Variants in HDC observed in about 807,000 individuals in gnomAD.
HDC encodes the protein histidine decarboxylase.
In HDC, 27 loss-of-function variants were observed where a neutral mutation model predicts 64.4. That is an observed-to-expected ratio of 0.42 (90% confidence interval 0.31 to 0.58). The LOEUF is 0.58. Among genes scored for constraint, HDC ranks in the 20% least tolerant of loss-of-function variants. HDC has a pLI of 0.16. For missense variants in HDC, 711 were observed against 833.9 expected (o/e 0.85, Z 1.81); for synonymous variants, 305 against 314.2 (o/e 0.97, Z 0.31).
chr15:50,265,519 T>A, intron 1 of HDC, 74 bp downstream of exon 1: 1 of 1,387,858 alleles, frequency 7.2e-7, no homozygotes, highest in Non-Finnish European at 1.0e-6. Context: ...CCCCAGAATC[T>A]AAGGGCCACC....
Position 50,251,842 on chromosome 15 carries a change from AAAG to A in HDC, c.1041+585_1041+587del, listed in dbSNP as rs1012541635. On this transcript the variant is annotated intron_variant, in intron 9 of 11. Transcript: ENST00000267845. ...GCGAGACTCTGTCTCAGAAAAAAAAAAAGAAAGAAAGAAAGAAAGAAAACAAAA... is the reference window on the plus strand; with the variant it reads ...GCGAGACTCTGTCTCAGAAAAAAAAAAAAGAAAGAAAGAAAGAAAACAAAA... Among the ~76,000 whole-genome samples the A allele has an allele frequency of 4.9e-3, 728 of 147,466 alleles. 3 individuals are homozygous for A. Among genetic ancestry groups the A allele is most frequent in the African/African-American group, 0.018 (658 of 37,528 alleles).
In HDC at chr15:50,242,404, A is replaced by G; in HGVS notation, c.1845T>C (p.Phe615=). The stretch of plus-strand genomic sequence containing the variant: ...TCATCATGTCTTCTGGAAACCTGGA[A>G]AAGATTCTGACCCTGGAGGAGCCCC... ...KNGGSSRVRI[F]SRFPEDMMML... is the part of the protein sequence containing the mutation. Residue 615 remains phenylalanine (F), a synonymous_variant, in exon 12 of 12, where the codon TTT becomes TTC. Coordinates refer to ENST00000267845, the MANE Select transcript of HDC (RefSeq NM_002112.4). 6.2e-7 allele frequency: 1 copy of G among 1,614,150 alleles called. No individual in the cohort carries two copies. Among genetic ancestry groups the G allele is most frequent in the Non-Finnish European group, 8.5e-7 (1 of 1,180,014 alleles).
chr15:50,264,006 T>C (rs537670473), intron 1 of HDC, among the ~76,000 whole-genome samples: 1 of 152,310 alleles, frequency 6.6e-6, no homozygotes, highest in South Asian at 2.1e-4. Context: ...ATTTTGATTG[T>C]CTCTCCTACC....
rs1236712077 is a variant in HDC at position 50,265,642 on chromosome 15, C to G, written c.-19G>C. On this transcript the variant is annotated 5_prime_UTR_variant, in exon 1 of 12. Transcript: ENST00000267845. ...CCATCATCTCCCTTGGGCTCTGGCTCCTTCTCACAGATGGACACGCAGGAG... is the reference window on the plus strand; with the variant it reads ...CCATCATCTCCCTTGGGCTCTGGCTGCTTCTCACAGATGGACACGCAGGAG... The G allele has an allele frequency of 6.2e-7, 1 of 1,613,616 alleles. No individual in the cohort carries two copies. Among genetic ancestry groups the G allele is most frequent in the South Asian group, 1.1e-5 (1 of 91,068 alleles).
At chr15:50,258,552 A>T in intron 2 of HDC, 35 bp from the exon 3 acceptor site, 2 of 1,264,180 alleles carry the variant, frequency 1.6e-6, no homozygotes, top group Non-Finnish European at 2.3e-6. Flanking sequence ...TGGCACCAGG[A>T]GGCATTTCCA....
Position 50,254,606 on chromosome 15 carries a change from A to G in HDC, c.500T>C (p.Leu167Pro), listed in dbSNP as rs1255568371. ...ALLAARKNKI[L>P]EMKTSEPDAD... ...ATCGGGCTCAGACGTTTTCATTTCCAGGATTTTGTTCTTCCTTGCTGCCAG... is the reference window on the plus strand; with the variant it reads ...ATCGGGCTCAGACGTTTTCATTTCCGGGATTTTGTTCTTCCTTGCTGCCAG... The change falls in exon 5 of 12, where the codon CTG becomes CCG. Residue 167 changes from leucine (L) to proline (P), a missense_variant. Transcript: ENST00000267845. 6.2e-7 allele frequency: 1 copy of G among 1,614,216 alleles called. No individual in the cohort carries two copies. Among genetic ancestry groups the G allele is most frequent in the East Asian group, 2.2e-5 (1 of 44,886 alleles).
At chr15:50,253,844 C>T (rs2045590637) in intron 6 of HDC, 178 bp from the exon 7 acceptor site, 2 of 674,108 alleles carry the variant, frequency 3.0e-6, no homozygotes, top group Admixed American at 2.3e-5. Flanking sequence ...CAATCTAGTA[C>T]ATGTATACGT....
At chr15:50,247,241 C>G (rs987303481) in intron 10 of HDC, among the ~76,000 whole-genome samples, 3 of 152,164 alleles carry the variant, frequency 2.0e-5, no homozygotes, top group East Asian at 3.8e-4. Context: ...AAGAATGGAA[C>G]TAGAATGTTT....
At position 50,254,664 on chromosome 15, in the gene HDC, T is replaced by C; in HGVS notation, c.442A>G (p.Ser148Gly). ...ATCAAAGTGGATTCACTGACCGTGC[T>C]CTGCAGGGGAAAAGGATTATCATGG... Reference protein sequence around the residue: ...PSSQGGGVLQSTVSESTLIAL... With the variant: ...PSSQGGGVLQGTVSESTLIAL... Residue 148 changes from serine (S) to glycine (G), a missense_variant and splice_region_variant, in exon 5 of 12, where the codon AGC (serine) becomes GGC (glycine). Ser to Gly is a moderately conservative substitution (Grantham distance 56). This residue lies in a region of HDC where 225 missense variants were observed against 276.2 expected (regional missense o/e 0.81). Transcript: ENST00000267845. The C allele has an allele frequency of 6.2e-7, 1 of 1,614,100 alleles. No homozygotes were observed. The highest frequency in any genetic ancestry group is 8.5e-7 in the Non-Finnish European group (1 of 1,180,000).
rs377311498 is a variant in HDC at position 50,252,624 on chromosome 15, C to G, written c.938G>C (p.Cys313Ser). 1 of 1,614,138 alleles carries G rather than the reference C, an allele frequency of 6.2e-7. No homozygotes were observed. The highest frequency in any genetic ancestry group is 1.1e-5 in the South Asian group (1 of 91,086). The change falls in exon 8 of 12, where the codon TGT becomes TCT. Residue 313 changes from cysteine (C) to serine (S), a missense_variant. Transcript: ENST00000267845. Reference protein sequence around the residue: ...PSKWMMVHFDCTGFWVKDKYK... With the variant: ...PSKWMMVHFDSTGFWVKDKYK... The stretch of plus-strand genomic sequence containing the variant: ...CTGCTACACTCACCAGAACCCAGTA[C>G]AGTCAAAATGCACCATCATCCACTT...
intron 9 of HDC, among the ~76,000 whole-genome samples, chr15:50,249,638 C>G (rs1847128543): frequency 6.6e-6 from 1 of 152,198 alleles, no homozygotes; most frequent in South Asian, 2.1e-4. Flanking sequence ...AACAAAATTG[C>G]TGTAACAAGG....
chr15:50,264,618 T>A (rs2045744899), intron 1 of HDC, among the ~76,000 whole-genome samples: 1 of 152,210 alleles, frequency 6.6e-6, no homozygotes, highest in African/African-American at 2.4e-5. Context: ...TATCTCTTTG[T>A]CTGTCTCAAC....
At chr15:50,262,694 G>A (rs1037445239) in intron 2 of HDC, among the ~76,000 whole-genome samples, 1 of 152,208 alleles carries the variant, frequency 6.6e-6, no homozygotes, top group African/African-American at 2.4e-5. Flanking sequence ...AGAGGGGACA[G>A]GAGGGGTTGC....
chr15:50,257,698 C>T, intron 3 of HDC, 151 bp from the exon 4 acceptor site: 2 of 843,750 alleles, frequency 2.4e-6, no homozygotes, highest in Non-Finnish European at 3.9e-6. Context: ...TCCTGGTCCA[C>T]TCTCTGTCAA....
intron 6 of HDC, chr15:50,253,885 A>G (rs570777507): frequency 1.6e-6 from 1 of 641,264 alleles, no homozygotes; most frequent in East Asian, 2.7e-5. Context: ...TCATAAAACA[A>G]TACATACTCT....
In HDC at chr15:50,248,444, A is replaced by C; in HGVS notation, c.1042-101T>G. 1 of 785,820 alleles carries C rather than the reference A, an allele frequency of 1.3e-6. No homozygotes were observed. Among genetic ancestry groups the C allele is most frequent in the Non-Finnish European group, 2.2e-6 (1 of 454,584 alleles). 48.7% of individuals were successfully genotyped at this position (785,820 alleles called of 1,614,324 possible). On this transcript the variant is annotated intron_variant, in intron 9 of 11. Transcript: ENST00000267845. This position sits in a 1 kb window ranked among gnomAD's most constrained non-coding sequence, Gnocchi z 4.3. Reference sequence around the variant, plus strand: ...CTGTTGCCTGCCCAGCCCTCCAGGGATGGACGATGTCACCATGACTCTGGG... The same window carrying C: ...CTGTTGCCTGCCCAGCCCTCCAGGGCTGGACGATGTCACCATGACTCTGGG...
chr15:50,260,175 C>T (rs548092609), intron 2 of HDC, among the ~76,000 whole-genome samples: 38 of 152,214 alleles, frequency 2.5e-4, no homozygotes, highest in African/African-American at 9.1e-4. Context: ...GTGCCCACCA[C>T]CATGCCTGGC....
At chr15:50,257,599 C>T (rs746696282) in intron 3 of HDC, 52 bp from the exon 4 acceptor site, 2 of 1,606,408 alleles carry the variant, frequency 1.2e-6, no homozygotes, top group East Asian at 4.5e-5. Context: ...CACTGAGGTG[C>T]CCCCACGAGC....
chr15:50,257,177 G>A (rs1327519363), intron 4 of HDC, among the ~76,000 whole-genome samples: 1 of 152,202 alleles, frequency 6.6e-6, no homozygotes, highest in African/African-American at 2.4e-5. Context: ...CCTGAATCAA[G>A]TCATACTGGA....
Sources: gnomAD v4.1 joint callset for allele counts (sites outside exome capture counted in the v4.1 genomes callset) on GRCh38, gnomAD v4.1.1 for gene constraint, gnomAD v4.1.1 regional missense constraint, Gnocchi (gnomAD v3.1) non-coding constraint, MANE v1.5 for transcripts, NCBI Gene and HGNC (gene_info 2026-07-23, HGNC 2026-07-21) for gene names.